The following GRIA1 variants were observed in gnomAD, a reference collection of about 807,000 sequenced individuals.
The protein encoded by GRIA1 is glutamate receptor 1.
GRIA1 carries 31 observed loss-of-function variants against 99.2 expected under a neutral mutation model. The ratio of observed to expected loss-of-function variants is 0.31; its 90% confidence interval spans 0.23 to 0.42. The LOEUF (loss-of-function observed/expected upper bound fraction) is 0.42, where lower values mean the gene tolerates loss of function less well. Ranked by LOEUF, GRIA1 falls within the 10% of genes least tolerant of loss-of-function variation. The probability of loss-of-function intolerance (pLI) is 1.00; values close to 1 mark genes in which losing one functional copy is unlikely to be tolerated. For synonymous variants in GRIA1, 438 were observed against 432.4 expected (o/e 1.01, Z -0.16); for missense variants, 782 against 1,157.5 (o/e 0.68, Z 4.71).
chr5:153,600,286 G>GT (rs1192130763), intron 2 of GRIA1, among the ~76,000 whole-genome samples: 1 of 151,106 alleles, frequency 6.6e-6, no homozygotes, highest in Non-Finnish European at 1.5e-5. Context: ...CAGATACTCG[G>GT]GAGGCTGAGG....
At chr5:153,542,010 C>A (rs1759170680) in intron 2 of GRIA1, among the ~76,000 whole-genome samples, 1 of 150,906 alleles carries the variant, frequency 6.6e-6, no homozygotes, top group Non-Finnish European at 1.5e-5. Flanking sequence ...ATTCATCCTG[C>A]AACTTGAACT....
intron 2 of GRIA1, among the ~76,000 whole-genome samples, chr5:153,632,234 C>T (rs1203033491): frequency 6.6e-6 from 1 of 152,180 alleles, no homozygotes; most frequent in East Asian, 1.9e-4. Context: ...AATAAGTCTA[C>T]AGTGACAGGT....
chr5:153,628,522 T>C (rs949703461), intron 2 of GRIA1, among the ~76,000 whole-genome samples: 3 of 152,214 alleles, frequency 2.0e-5, no homozygotes, highest in Admixed American at 1.3e-4. Flanking sequence ...CAATAAATGA[T>C]AGTTTTTATT....
intron 11 of GRIA1, among the ~76,000 whole-genome samples, chr5:153,751,231 A>G (rs1762492324): frequency 6.6e-6 from 1 of 152,236 alleles, no homozygotes; most frequent in African/African-American, 2.4e-5. Context: ...ACAAACAATG[A>G]CAGTGCCCTC....
intron 2 of GRIA1, among the ~76,000 whole-genome samples, chr5:153,538,281 A>G (rs1758764105): frequency 6.6e-6 from 1 of 152,176 alleles, no homozygotes; most frequent in South Asian, 2.1e-4. Flanking sequence ...TTAACAGTTT[A>G]TTGAGATATA....
chr5:153,743,502 C>T (rs1761955419), intron 11 of GRIA1, among the ~76,000 whole-genome samples: 1 of 152,006 alleles, frequency 6.6e-6, no homozygotes, highest in African/African-American at 2.4e-5. Context: ...GACTGAAATC[C>T]CCATTTTCTT....
At chr5:153,714,973 C>T (rs1028921959) in intron 11 of GRIA1, among the ~76,000 whole-genome samples, 2 of 152,194 alleles carry the variant, frequency 1.3e-5, no homozygotes, top group African/African-American at 4.8e-5. Flanking sequence ...AATAAGGAGG[C>T]ATATTGCCTG....
At chr5:153,545,399 T>C (rs1292507776) in intron 2 of GRIA1, among the ~76,000 whole-genome samples, 1 of 152,136 alleles carries the variant, frequency 6.6e-6, no homozygotes. Context: ...GCTGGATGTC[T>C]TCAGGGACTG....
chr5:153,739,846 G>C (rs1319061817), intron 11 of GRIA1, among the ~76,000 whole-genome samples: 1 of 152,096 alleles, frequency 6.6e-6, no homozygotes, highest in Admixed American at 6.5e-5. Flanking sequence ...TTAAAAACTT[G>C]AGTTTTCATG....
intron 3 of GRIA1, among the ~76,000 whole-genome samples, chr5:153,649,494 G>T (rs1185782032): frequency 6.6e-6 from 1 of 151,898 alleles, no homozygotes; most frequent in Non-Finnish European, 1.5e-5. Context: ...TTTCACTCTT[G>T]TCACCCAGGC....
Position 153,812,728 on chromosome 5 carries a change from G to T in GRIA1, c.*1503G>T, listed in dbSNP as rs1057093344. The T allele has an allele frequency of 2.6e-5, 4 of 152,118 alleles. No homozygotes were observed. Among genetic ancestry groups the T allele is most frequent in the Admixed American group, 2.6e-4 (4 of 15,284 alleles). The allele number at this position is 152,118 out of a possible 1,614,324, so 9.4% of individuals were successfully genotyped here. A position where few individuals can be genotyped will look rare whatever the true frequency, so the allele number is the denominator to read the frequency against. ...GCAGGGTTTATAGAGAGAAGCCCAG[G>T]CTGAGTTCAGCTTTTGTTGGAAGTG... is the stretch of plus-strand genomic sequence containing the variant. On this transcript the variant is annotated 3_prime_UTR_variant, in exon 16 of 16. Coordinates refer to ENST00000285900, the MANE Select transcript of GRIA1 (RefSeq NM_000827.4).
At chr5:153,784,500 A>C (rs550877875) in intron 13 of GRIA1, among the ~76,000 whole-genome samples, 1 of 152,184 alleles carries the variant, frequency 6.6e-6, no homozygotes, top group African/African-American at 2.4e-5. Flanking sequence ...ATTTCTTCTC[A>C]TAAGATCGCA....
intron 9 of GRIA1, 30 bp from the exon 10 acceptor site, chr5:153,698,837 C>T (rs766245839): frequency 1.1e-5 from 16 of 1,467,944 alleles, no homozygotes; most frequent in South Asian, 1.1e-5. Flanking sequence ...CCATAACCCA[C>T]ATTCTGCTAT....
At chr5:153,600,289 G>A (rs945205554) in intron 2 of GRIA1, among the ~76,000 whole-genome samples, 1 of 151,126 alleles carries the variant, frequency 6.6e-6, no homozygotes, top group South Asian at 2.1e-4. Flanking sequence ...ATACTCGGGA[G>A]GCTGAGGCAG....
intron 2 of GRIA1, among the ~76,000 whole-genome samples, chr5:153,528,411 C>A (rs1757804121): frequency 6.6e-6 from 1 of 152,174 alleles, no homozygotes. Flanking sequence ...CTAGTCCTCA[C>A]TTTTAAGGGT....
intron 11 of GRIA1, among the ~76,000 whole-genome samples, chr5:153,728,024 C>T (rs1002560670): frequency 2.0e-5 from 3 of 151,012 alleles, no homozygotes; most frequent in African/African-American, 4.9e-5. Flanking sequence ...GGTACTGGTA[C>T]CAAAACAGAG....
rs574116392 is a variant in GRIA1, at chr5:153,578,109, C to T, written c.221-68819C>T. Among the ~76,000 whole-genome samples the T allele has an allele frequency of 6.3e-5, 8 of 126,554 alleles. No homozygotes were observed. In the South Asian group the frequency reaches 1.8e-3, roughly 29 times the overall value. 83.0% of individuals were successfully genotyped at this position (126,554 alleles called of 152,430 possible). ...GAGGTTGCAGTGAGCCAAGATCACA[C>T]CATTGCGCCCCAGCCTGAGCAGCAG... On this transcript the variant is annotated intron_variant, in intron 2 of 15. Transcript: ENST00000285900.
chr5:153,506,193 T>C (rs369947215), intron 2 of GRIA1, among the ~76,000 whole-genome samples: 2 of 152,128 alleles, frequency 1.3e-5, no homozygotes, highest in African/African-American at 4.8e-5. Flanking sequence ...CCACTGAGCA[T>C]AGCAAGGCAG....
intron 2 of GRIA1, among the ~76,000 whole-genome samples, chr5:153,536,356 A>T (rs1758572787): frequency 6.6e-6 from 1 of 151,590 alleles, no homozygotes; most frequent in African/African-American, 2.4e-5. Flanking sequence ...TCCCACCCCT[A>T]CCTCCACAAG....
Sources: gnomAD v4.1 joint callset for allele counts (sites outside exome capture counted in the v4.1 genomes callset) on GRCh38, gnomAD v4.1.1 for gene constraint, MANE v1.5 for transcripts, NCBI Gene and HGNC (gene_info 2026-07-23, HGNC 2026-07-21) for gene names.